LDB2: variants seen among roughly 807,000 people sequenced by gnomAD.
The protein encoded by LDB2 is LIM domain binding 2, also known as LIM domain-binding protein 2.
In LDB2, 12 loss-of-function variants were observed where a neutral mutation model predicts 44.3. The ratio of observed to expected loss-of-function variants is 0.27; its 90% CI spans 0.17 to 0.44. LDB2 has a LOEUF of 0.44. LDB2 is among the 20% of genes least tolerant of loss of function. The pLI is 1.00. For synonymous variants in LDB2, 164 were observed against 174.8 expected (o/e 0.94, Z 0.49); for missense variants, 344 against 473.5 (o/e 0.73, Z 2.54).
At chr4:16,740,828 T>C (rs1763101841) in intron 2 of LDB2, among the ~76,000 whole-genome samples, 1 of 152,234 alleles carries the variant, frequency 6.6e-6, no homozygotes, top group African/African-American at 2.4e-5. Flanking sequence ...ACTTGGAATA[T>C]CTCTTTAATG....
In LDB2 at chr4:16,539,605, C is replaced by G. The variant is rs535666437; in HGVS notation, c.616-27501G>C. On this transcript the variant is annotated intron_variant, in intron 5 of 7. Coordinates refer to ENST00000304523, the MANE Select transcript of LDB2 (RefSeq NM_001290.5). ...TTGATCCCATGAAGCAGGCAAGGCACACAAAAATAGTTTAGCTTCCAAGTG... is the reference window on the plus strand; with the variant it reads ...TTGATCCCATGAAGCAGGCAAGGCAGACAAAAATAGTTTAGCTTCCAAGTG... Among the ~76,000 whole-genome samples the G allele has an allele frequency of 3.3e-5, 5 of 152,300 alleles. No homozygotes were observed. In the South Asian group the frequency reaches 1.0e-3, roughly 32 times the overall value.
At chr4:16,698,018 T>C (rs982567296) in intron 2 of LDB2, among the ~76,000 whole-genome samples, 3 of 152,214 alleles carry the variant, frequency 2.0e-5, no homozygotes, top group African/African-American at 7.2e-5. Flanking sequence ...ATTCGTTATA[T>C]AAACAAAATG....
chr4:16,803,676 A>G (rs367928202), intron 1 of LDB2, among the ~76,000 whole-genome samples: 3,652 of 152,204 alleles, frequency 0.024, 150 homozygotes, highest in African/African-American at 0.081. Context: ...GGGCTAGTGG[A>G]AAAAAATCTG....
At chr4:16,765,454 T>G (rs1370225016) in intron 1 of LDB2, among the ~76,000 whole-genome samples, 1 of 152,240 alleles carries the variant, frequency 6.6e-6, no homozygotes. Flanking sequence ...TAGGAAATCT[T>G]GACAACTATA....
At chr4:16,803,972 T>C (rs763667185) in intron 1 of LDB2, among the ~76,000 whole-genome samples, 5 of 152,262 alleles carry the variant, frequency 3.3e-5, no homozygotes, top group Non-Finnish European at 5.9e-5. Flanking sequence ...TTGTTGATGT[T>C]ACTGCAGGAA....
intron 2 of LDB2, among the ~76,000 whole-genome samples, chr4:16,627,621 C>T (rs566042980): frequency 6.6e-6 from 1 of 152,310 alleles, no homozygotes; most frequent in Non-Finnish European, 1.5e-5. Flanking sequence ...TACACAGACA[C>T]TAAGTGACAA....
chr4:16,683,799 C>T (rs183666658), intron 2 of LDB2, among the ~76,000 whole-genome samples: 8 of 152,294 alleles, frequency 5.3e-5, no homozygotes, highest in Admixed American at 2.0e-4. Context: ...TACTTTCTGA[C>T]GGGGAGGTTC....
chr4:16,654,522 C>T (rs1578506630), intron 2 of LDB2, among the ~76,000 whole-genome samples: 1 of 152,088 alleles, frequency 6.6e-6, no homozygotes, highest in Non-Finnish European at 1.5e-5. Flanking sequence ...GATATAAATG[C>T]CAACAAAGCA....
intron 1 of LDB2, among the ~76,000 whole-genome samples, chr4:16,864,535 C>A (rs964193060): frequency 6.6e-6 from 1 of 152,034 alleles, no homozygotes. Context: ...TCAATTACCC[C>A]CAGAGTATTA....
chr4:16,655,563 C>G (rs1366796933), intron 2 of LDB2, among the ~76,000 whole-genome samples: 1 of 152,154 alleles, frequency 6.6e-6, no homozygotes, highest in African/African-American at 2.4e-5. Context: ...CCACAGACTC[C>G]AGAAAGTCTT....
chr4:16,576,037 T>C (rs1748155680), intron 5 of LDB2, among the ~76,000 whole-genome samples: 1 of 152,160 alleles, frequency 6.6e-6, no homozygotes, highest in Admixed American at 6.5e-5. Flanking sequence ...AGAAACATCT[T>C]TTAAAACAAA....
At chr4:16,643,905 T>C (rs1463737770) in intron 2 of LDB2, among the ~76,000 whole-genome samples, 1 of 152,256 alleles carries the variant, frequency 6.6e-6, no homozygotes, top group Non-Finnish European at 1.5e-5. Flanking sequence ...AATTTTTGTG[T>C]GTGTGCAATG....
rs1205143061 is a variant in LDB2, at chr4:16,543,150, A to C, written c.616-31046T>G. 2.0e-5 allele frequency among the ~76,000 whole-genome samples: 3 copies of C among 152,046 alleles called. 1 individual carries two copies. In the East Asian group the frequency reaches 5.8e-4, roughly 29 times the overall value. On this transcript the variant is annotated intron_variant, in intron 5 of 7. Coordinates refer to ENST00000304523, the MANE Select transcript of LDB2 (RefSeq NM_001290.5). ...GTATTCCATGGTGTATATGTGCCAC[A>C]TTTCCTTAATCCAGTCTATCATTGA...
intron 1 of LDB2, among the ~76,000 whole-genome samples, chr4:16,789,935 A>G (rs936749821): frequency 6.6e-6 from 1 of 152,224 alleles, no homozygotes; most frequent in African/African-American, 2.4e-5. Flanking sequence ...CCACCTCAAA[A>G]CAAAAACAAA....
intron 5 of LDB2, among the ~76,000 whole-genome samples, chr4:16,527,817 A>C (rs1328599586): frequency 1.3e-5 from 2 of 152,188 alleles, no homozygotes; most frequent in African/African-American, 4.8e-5. Context: ...CACACACACA[A>C]AATGATTAAC....
intron 1 of LDB2, among the ~76,000 whole-genome samples, chr4:16,775,239 C>T (rs775502900): frequency 4.6e-5 from 7 of 152,112 alleles, no homozygotes; most frequent in Non-Finnish European, 7.4e-5. Flanking sequence ...AGAGTAAATG[C>T]CCAACAAAGG....
At chr4:16,845,815 T>C (rs567681655) in intron 1 of LDB2, among the ~76,000 whole-genome samples, 1 of 152,154 alleles carries the variant, frequency 6.6e-6, no homozygotes, top group African/African-American at 2.4e-5. Flanking sequence ...CCAAAAGAAA[T>C]GAGCTAATAA....
In LDB2 at chr4:16,739,710, A is replaced by G. The variant is rs867969348; in HGVS notation, c.235+19448T>C. On this transcript the variant is annotated intron_variant, in intron 2 of 7. Transcript: ENST00000304523. ...TATGTATATATACATATATGTGTAT[A>G]TATGTATATATACATATATGTGTAT... Among the ~76,000 whole-genome samples the G allele has an allele frequency of 8.8e-5, 8 of 91,236 alleles. 3 individuals are homozygous for G. 59.9% of individuals were successfully genotyped at this position (91,236 alleles called of 152,430 possible).
chr4:16,542,048 C>T (rs988064143), intron 5 of LDB2, among the ~76,000 whole-genome samples: 27 of 136,430 alleles, frequency 2.0e-4, no homozygotes, highest in East Asian at 4.4e-4. Flanking sequence ...TCCTCACTGA[C>T]GTGCACATAA....
Sources: allele counts gnomAD v4.1 joint callset (sites outside exome capture counted in the v4.1 genomes callset), GRCh38; gene constraint gnomAD v4.1.1; transcripts MANE v1.5; gene names NCBI Gene and HGNC (gene_info 2026-07-23, HGNC 2026-07-21).